UST: variants seen among roughly 807,000 people sequenced by gnomAD.
UST encodes uronyl 2-sulfotransferase, also known as chondroitin sulfate 2-O-sulfotransferase.
Under a neutral mutation model 45.6 loss-of-function variants are expected in UST, and 21 were observed. That is an observed-to-expected ratio of 0.46 (90% CI 0.33 to 0.66). UST has a LOEUF of 0.66. Ranked by LOEUF, UST falls within the 30% of genes least tolerant of loss-of-function variation. UST has a pLI of 0.02. For missense variants in UST, 463 were observed against 512.4 expected, an observed-to-expected ratio of 0.90 and a Z score of 0.93; for synonymous variants, 215 against 200.6, an observed-to-expected ratio of 1.07 and a Z score of -0.61.
At chr6:149,034,311 A>G (rs576507659) in intron 7 of UST, among the ~76,000 whole-genome samples, 104 of 152,274 alleles carry the variant, frequency 6.8e-4, no homozygotes, top group African/African-American at 2.4e-3. Flanking sequence ...GTGCCATTAG[A>G]TCTGCCGCAT....
intron 5 of UST, among the ~76,000 whole-genome samples, chr6:149,010,913 A>AACAAAAAAAC (rs1554234081): frequency 3.2e-5 from 3 of 92,970 alleles, no homozygotes; most frequent in Non-Finnish European, 6.0e-5. Flanking sequence ...AAAAAAAAAA[A>AACAAAAAAAC]AAAAAACTGT....
chr6:148,854,971 G>T (rs935526711), intron 1 of UST, among the ~76,000 whole-genome samples: 2 of 152,288 alleles, frequency 1.3e-5, no homozygotes, highest in Admixed American at 6.5e-5. Context: ...GTTCCACGTG[G>T]CTGGGGAGGC....
chr6:148,795,527 A>T (rs937778290), intron 1 of UST, among the ~76,000 whole-genome samples: 1 of 152,166 alleles, frequency 6.6e-6, no homozygotes, highest in African/African-American at 2.4e-5. Flanking sequence ...ACTAAGTCTT[A>T]AAAAGCTTTT....
At chr6:148,960,246 G>A (rs1421620964) in intron 4 of UST, among the ~76,000 whole-genome samples, 1 of 152,094 alleles carries the variant, frequency 6.6e-6, no homozygotes, top group East Asian at 1.9e-4. Flanking sequence ...CCGAGATCAC[G>A]CCATTGCACT....
intron 1 of UST, among the ~76,000 whole-genome samples, chr6:148,873,511 A>C (rs1582868144): frequency 6.6e-6 from 1 of 152,110 alleles, no homozygotes; most frequent in Non-Finnish European, 1.5e-5. Context: ...CTGAGACCCC[A>C]CTTTGCTTAG....
At chr6:148,959,836 T>C (rs1179482064) in intron 4 of UST, among the ~76,000 whole-genome samples, 1 of 151,590 alleles carries the variant, frequency 6.6e-6, no homozygotes, top group Non-Finnish European at 1.5e-5. Context: ...TGTTTTGTGA[T>C]GGATGGTGGG....
intron 1 of UST, among the ~76,000 whole-genome samples, chr6:148,782,447 G>A (rs1408573640): frequency 6.6e-6 from 1 of 151,110 alleles, no homozygotes; most frequent in Non-Finnish European, 1.5e-5. Flanking sequence ...GAACAGATGA[G>A]GAGTTGCTTC....
chr6:148,989,856 C>T (rs1313078469), intron 5 of UST, among the ~76,000 whole-genome samples: 2 of 152,202 alleles, frequency 1.3e-5, no homozygotes, highest in Non-Finnish European at 2.9e-5. Context: ...AACAAACTCT[C>T]CTGAGTTTTT....
chr6:148,972,891 T>A (rs1421262923), intron 5 of UST, among the ~76,000 whole-genome samples: 1 of 152,128 alleles, frequency 6.6e-6, no homozygotes, highest in Non-Finnish European at 1.5e-5. Context: ...GATTTTTTTT[T>A]TTTTTAAGCT....
intron 2 of UST, among the ~76,000 whole-genome samples, chr6:148,933,777 A>G (rs1779967869): frequency 6.6e-6 from 1 of 152,232 alleles, no homozygotes. Context: ...TGATCTCAAA[A>G]TGGGAAGCTT....
intron 1 of UST, among the ~76,000 whole-genome samples, chr6:148,750,433 A>G (rs762332049): frequency 6.6e-6 from 1 of 152,232 alleles, no homozygotes; most frequent in African/African-American, 2.4e-5. Context: ...TTCAATCTGC[A>G]CAGCAACACT....
intron 7 of UST, 40 bp from the exon 8 acceptor site, chr6:149,073,793 T>C (rs1776851895): frequency 1.3e-6 from 2 of 1,597,898 alleles, no homozygotes; most frequent in Non-Finnish European, 1.7e-6. Flanking sequence ...TCTAAGCTAC[T>C]GCAAATGATG....
At chr6:148,779,989 A>G (rs1430187308) in intron 1 of UST, among the ~76,000 whole-genome samples, 1 of 152,082 alleles carries the variant, frequency 6.6e-6, no homozygotes, top group Non-Finnish European at 1.5e-5. Context: ...TTTATTCCAG[A>G]TACAGGAGGT....
chr6:148,859,543 G>A (rs576184547), intron 1 of UST, among the ~76,000 whole-genome samples: 1 of 152,140 alleles, frequency 6.6e-6, no homozygotes, highest in African/African-American at 2.4e-5. Context: ...ATTGCTTTTG[G>A]TGTTTTAGTC....
At chr6:148,831,181 C>G (rs182683860) in intron 1 of UST, among the ~76,000 whole-genome samples, 5 of 152,236 alleles carry the variant, frequency 3.3e-5, no homozygotes, top group Non-Finnish European at 7.4e-5. Context: ...GTCTTTCTCA[C>G]AGACTAGACC....
chr6:149,066,455 T>G, intron 7 of UST, among the ~76,000 whole-genome samples: 1 of 150,222 alleles, frequency 6.7e-6, no homozygotes, highest in Non-Finnish European at 1.5e-5. Flanking sequence ...GAAGAGGGGG[T>G]GGATGAGGGA....
At chr6:148,916,003 C>A (rs992881451) in intron 2 of UST, among the ~76,000 whole-genome samples, 1 of 141,756 alleles carries the variant, frequency 7.1e-6, no homozygotes, top group African/African-American at 2.5e-5. Flanking sequence ...CCAGAGCCAA[C>A]AGACTGTCAC....
chr6:148,851,886 T>C (rs145226822), intron 1 of UST, among the ~76,000 whole-genome samples: 1 of 152,340 alleles, frequency 6.6e-6, no homozygotes, highest in Non-Finnish European at 1.5e-5. Flanking sequence ...TGGTGTTGAC[T>C]GCATGTTTAC....
At chr6:149,026,165 A>C (rs1776047692) in intron 7 of UST, among the ~76,000 whole-genome samples, 1 of 143,598 alleles carries the variant, frequency 7.0e-6, no homozygotes, top group African/African-American at 2.6e-5. Context: ...AAAAAAAAAA[A>C]ACAGGCCTGA....
Sources: gnomAD v4.1 joint callset for allele counts (sites outside exome capture counted in the v4.1 genomes callset) on GRCh38, gnomAD v4.1.1 for gene constraint, MANE v1.5 for transcripts, NCBI Gene and HGNC (gene_info 2026-07-23, HGNC 2026-07-21) for gene names.